PDGFC: variants seen among roughly 807,000 people sequenced by gnomAD.
PDGFC encodes the protein platelet derived growth factor C, also known as platelet-derived growth factor C.
PDGFC carries 12 observed loss-of-function variants against 35.5 expected under a neutral mutation model. The ratio of observed to expected loss-of-function variants is 0.34; its 90% CI spans 0.22 to 0.55. PDGFC has a LOEUF of 0.55. Ranked by LOEUF, PDGFC falls within the 20% of genes least tolerant of loss-of-function variation. PDGFC has a pLI of 0.91. For missense variants in PDGFC, 322 were observed against 412.4 expected, an observed-to-expected ratio of 0.78 and a Z score of 1.90; for synonymous variants, 159 against 148.8, an observed-to-expected ratio of 1.07 and a Z score of -0.50.
At chr4:156,822,000 C>G (rs1732275340) in intron 2 of PDGFC, among the ~76,000 whole-genome samples, 1 of 151,978 alleles carries the variant, frequency 6.6e-6, no homozygotes, top group Non-Finnish European at 1.5e-5. Flanking sequence ...GAATTTAGGA[C>G]CAATATACAA....
At chr4:156,777,803 A>T (rs1342170681) in intron 3 of PDGFC, among the ~76,000 whole-genome samples, 1 of 152,132 alleles carries the variant, frequency 6.6e-6, no homozygotes, top group East Asian at 1.9e-4. Context: ...GCATTTATTT[A>T]AAAACCTGTA....
At chr4:156,765,811 G>T (rs1730508387) in intron 5 of PDGFC, among the ~76,000 whole-genome samples, 1 of 152,008 alleles carries the variant, frequency 6.6e-6, no homozygotes, top group Non-Finnish European at 1.5e-5. Context: ...CATAACCAAA[G>T]AATAAGACTA....
At chr4:156,863,996 T>G (rs1729776622) in intron 1 of PDGFC, among the ~76,000 whole-genome samples, 1 of 151,432 alleles carries the variant, frequency 6.6e-6, no homozygotes, top group Admixed American at 6.6e-5. Flanking sequence ...TTGTTTCTTG[T>G]TTTTTTTGTT....
At chr4:156,867,027 C>T (rs1451215851) in intron 1 of PDGFC, among the ~76,000 whole-genome samples, 1 of 152,028 alleles carries the variant, frequency 6.6e-6, no homozygotes, top group East Asian at 1.9e-4. Flanking sequence ...TCACTTACTC[C>T]TTTCCATAAA....
intron 1 of PDGFC, 66 bp downstream of exon 1, chr4:156,970,720 C>A (rs1030554496): frequency 1.0e-6 from 1 of 988,418 alleles, no homozygotes; most frequent in Non-Finnish European, 1.6e-6. Flanking sequence ...CACATACCAA[C>A]GCACAATGCC....
chr4:156,875,719 A>G (rs1413226032), intron 1 of PDGFC, among the ~76,000 whole-genome samples: 3 of 152,116 alleles, frequency 2.0e-5, no homozygotes, highest in Non-Finnish European at 4.4e-5. Flanking sequence ...GGAGTTTGAG[A>G]ACAGACTGGC....
At chr4:156,907,577 A>G (rs1381402802) in intron 1 of PDGFC, among the ~76,000 whole-genome samples, 1 of 152,168 alleles carries the variant, frequency 6.6e-6, no homozygotes, top group Non-Finnish European at 1.5e-5. Flanking sequence ...GTTGAAAAGA[A>G]TCTTCGAGGG....
chr4:156,946,128 C>T (rs114866044), intron 1 of PDGFC, among the ~76,000 whole-genome samples: 3,669 of 151,996 alleles, frequency 0.024, 123 homozygotes, highest in African/African-American at 0.082. Flanking sequence ...AATATGCAGA[C>T]AGAACTGTGA....
intron 1 of PDGFC, among the ~76,000 whole-genome samples, chr4:156,937,549 A>C (rs2110896805): frequency 6.6e-6 from 1 of 152,174 alleles, no homozygotes; most frequent in Non-Finnish European, 1.5e-5. Flanking sequence ...AGAATACAAA[A>C]AATTCATCTG....
At chr4:156,965,140 A>G (rs1468070721) in intron 1 of PDGFC, among the ~76,000 whole-genome samples, 1 of 152,232 alleles carries the variant, frequency 6.6e-6, no homozygotes, top group Non-Finnish European at 1.5e-5. Flanking sequence ...CTACCAATAC[A>G]TGAACAAGCT....
At chr4:156,943,255 A>G (rs1731857710) in intron 1 of PDGFC, among the ~76,000 whole-genome samples, 1 of 152,082 alleles carries the variant, frequency 6.6e-6, no homozygotes, top group East Asian at 1.9e-4. Context: ...GATGTAGCTC[A>G]TTTCATCTCT....
At chr4:156,779,966 T>C (rs1436926593) in intron 3 of PDGFC, among the ~76,000 whole-genome samples, 1 of 152,168 alleles carries the variant, frequency 6.6e-6, no homozygotes, top group African/African-American at 2.4e-5. Context: ...TCAGAGTCAA[T>C]ACACAGTTTC....
At chr4:156,929,749 T>C (rs1731506690) in intron 1 of PDGFC, among the ~76,000 whole-genome samples, 1 of 152,248 alleles carries the variant, frequency 6.6e-6, no homozygotes, top group African/African-American at 2.4e-5. Flanking sequence ...ATTCTCTGGC[T>C]ATTTATCCTT....
intron 1 of PDGFC, among the ~76,000 whole-genome samples, chr4:156,901,704 C>T (rs1288939101): frequency 6.6e-6 from 1 of 152,088 alleles, no homozygotes; most frequent in Admixed American, 6.5e-5. Context: ...CTCACTGCAA[C>T]CTCCGCCTCC....
intron 5 of PDGFC, among the ~76,000 whole-genome samples, chr4:156,764,159 T>C (rs1286264656): frequency 6.6e-6 from 1 of 152,214 alleles, no homozygotes; most frequent in East Asian, 1.9e-4. Context: ...ACGACATAGA[T>C]AACCTCATAA....
At chr4:156,915,701 A>G (rs1731142076) in intron 1 of PDGFC, among the ~76,000 whole-genome samples, 1 of 152,078 alleles carries the variant, frequency 6.6e-6, no homozygotes, top group African/African-American at 2.4e-5. Context: ...GTTGAGGCAG[A>G]AGAATCCCGG....
chr4:156,961,845 A>G, intron 1 of PDGFC, among the ~76,000 whole-genome samples: 1 of 152,124 alleles, frequency 6.6e-6, no homozygotes, highest in Non-Finnish European at 1.5e-5. Context: ...TGAAGTGTGA[A>G]AATAGCTCTT....
chr4:156,772,604 C>T, intron 4 of PDGFC, 82 bp downstream of exon 4: 1 of 836,016 alleles, frequency 1.2e-6, no homozygotes, highest in Non-Finnish European at 2.0e-6. Flanking sequence ...AAACTCTACC[C>T]TTTAGAAGCT....
intron 1 of PDGFC, among the ~76,000 whole-genome samples, chr4:156,890,073 C>A (rs956964159): frequency 6.6e-6 from 1 of 151,948 alleles, no homozygotes; most frequent in East Asian, 1.9e-4. Context: ...AATATCTACA[C>A]CTTGTTAGTT....
Sources: gnomAD v4.1 joint callset for allele counts (sites outside exome capture counted in the v4.1 genomes callset) on GRCh38, gnomAD v4.1.1 for gene constraint, MANE v1.5 for transcripts, NCBI Gene and HGNC (gene_info 2026-07-23, HGNC 2026-07-21) for gene names.